Variants in LSAMP observed in about 807,000 individuals in gnomAD.
The protein encoded by LSAMP is limbic system-associated membrane protein.
Under a neutral mutation model 38.6 loss-of-function variants are expected in LSAMP, and 7 were observed. That is an observed-to-expected ratio of 0.18 (90% confidence interval 0.10 to 0.34). The LOEUF (loss-of-function observed/expected upper bound fraction) is 0.34, where lower values mean the gene tolerates loss of function less well. Ranked by LOEUF, LSAMP falls within the 10% of genes least tolerant of loss-of-function variation. LSAMP has a pLI of 1.00. For synonymous variants in LSAMP, 154 were observed against 166.8 expected (o/e 0.92, Z 0.59); for missense variants, 313 against 420.0 (o/e 0.75, Z 2.23).
At position 116,301,779 on chromosome 3, in the gene LSAMP, TATAAAG is replaced by T. The variant is rs540230349; in HGVS notation, c.155+143092_155+143097del. Among the ~76,000 whole-genome samples the T allele has an allele frequency of 2.2e-3, 337 of 152,314 alleles. 1 individual carries two copies. Among genetic ancestry groups the T allele is most frequent in the African/African-American group, 7.6e-3 (315 of 41,566 alleles). ...AGTATAAAATTATGAGTTTAAAACTTATAAAGATAATAGTTTTTTTCTATAGATAGA... is the reference window on the plus strand; with the variant it reads ...AGTATAAAATTATGAGTTTAAAACTTATAATAGTTTTTTTCTATAGATAGA... On this transcript the variant is annotated intron_variant, in intron 1 of 6. Transcript: ENST00000490035.
chr3:116,343,684 A>C (rs1234536962), intron 1 of LSAMP, among the ~76,000 whole-genome samples: 1 of 151,888 alleles, frequency 6.6e-6, no homozygotes, highest in Non-Finnish European at 1.5e-5. Flanking sequence ...GCTAAACATA[A>C]GAACTATTTT....
chr3:115,853,446 C>T (rs1230867167), intron 3 of LSAMP, among the ~76,000 whole-genome samples: 3 of 151,940 alleles, frequency 2.0e-5, no homozygotes, highest in Non-Finnish European at 4.4e-5. Context: ...TAGGGAGGTC[C>T]TGTTTGGAAA....
At chr3:116,358,918 ATAGT>A (rs2048264221) in intron 1 of LSAMP, among the ~76,000 whole-genome samples, 1 of 152,208 alleles carries the variant, frequency 6.6e-6, no homozygotes, top group Admixed American at 6.5e-5. Flanking sequence ...GTACAAAGAA[ATAGT>A]TATTTGCAGT....
intron 1 of LSAMP, among the ~76,000 whole-genome samples, chr3:116,103,729 C>T (rs1576364231): frequency 1.3e-5 from 2 of 151,826 alleles, no homozygotes; most frequent in Non-Finnish European, 2.9e-5. Context: ...CCATGTCACA[C>T]GATGCTTCAC....
At chr3:116,437,648 G>GAGGGAGGAGGAAGGGAGAGA (rs1263576185) in intron 1 of LSAMP, among the ~76,000 whole-genome samples, 14 of 151,652 alleles carry the variant, frequency 9.2e-5, no homozygotes, top group African/African-American at 3.1e-4. Flanking sequence ...GGAAGAATTG[G>GAGGGAGGAGGAAGGGAGAGA]AGGGAGGAGG....
At chr3:115,868,989 A>T (rs1233902902) in intron 3 of LSAMP, among the ~76,000 whole-genome samples, 1 of 152,102 alleles carries the variant, frequency 6.6e-6, no homozygotes, top group Non-Finnish European at 1.5e-5. Flanking sequence ...CCCATATTTT[A>T]TCCTAGTGAC....
intron 3 of LSAMP, among the ~76,000 whole-genome samples, chr3:115,978,738 A>G (rs28413947): frequency 0.13 from 20,058 of 151,990 alleles, 1,502 homozygotes; most frequent in Non-Finnish European, 0.18. Flanking sequence ...AAAATGGGGG[A>G]AAAAATAGGG....
chr3:116,307,647 C>T (rs1212280274), intron 1 of LSAMP, among the ~76,000 whole-genome samples: 1 of 151,828 alleles, frequency 6.6e-6, no homozygotes, highest in Non-Finnish European at 1.5e-5. Context: ...TTGGAGACAA[C>T]TTAATGTCCA....
intron 3 of LSAMP, among the ~76,000 whole-genome samples, chr3:115,956,893 G>C (rs906978818): frequency 5.9e-5 from 9 of 152,208 alleles, no homozygotes; most frequent in Middle Eastern, 3.4e-3. Context: ...CCCCTTACAG[G>C]CTTCTTGAAG....
At chr3:115,950,387 C>G (rs372974031) in intron 3 of LSAMP, among the ~76,000 whole-genome samples, 2 of 152,002 alleles carry the variant, frequency 1.3e-5, no homozygotes, top group African/African-American at 4.8e-5. Context: ...TCAGTAAAGT[C>G]TCAGGATACA....
intron 2 of LSAMP, among the ~76,000 whole-genome samples, chr3:116,041,422 C>T (rs992058036): frequency 6.6e-6 from 1 of 152,060 alleles, no homozygotes; most frequent in Non-Finnish European, 1.5e-5. Context: ...TCATCTCTCC[C>T]CTTTTATAGA....
chr3:116,241,881 A>AC (rs2107638915), intron 1 of LSAMP, among the ~76,000 whole-genome samples: 1 of 152,350 alleles, frequency 6.6e-6, no homozygotes, highest in African/African-American at 2.4e-5. Context: ...AGCCATTGGA[A>AC]TTGGGGGTGT....
chr3:115,843,603 A>G (rs968079513), intron 4 of LSAMP, among the ~76,000 whole-genome samples: 5 of 152,210 alleles, frequency 3.3e-5, no homozygotes, highest in African/African-American at 1.2e-4. Flanking sequence ...AAGCTCATTT[A>G]GGAAAATTAG....
chr3:115,829,061 T>G (rs1934522068), intron 6 of LSAMP, among the ~76,000 whole-genome samples: 1 of 152,174 alleles, frequency 6.6e-6, no homozygotes, highest in African/African-American at 2.4e-5. Context: ...AATGTAAATT[T>G]TGAGAGAAAT....
chr3:116,228,113 T>C (rs1040187063), intron 1 of LSAMP, among the ~76,000 whole-genome samples: 2 of 152,084 alleles, frequency 1.3e-5, no homozygotes, highest in Non-Finnish European at 2.9e-5. Flanking sequence ...TTGATTTCTT[T>C]AAACCTTTAA....
At chr3:116,141,156 G>T (rs958078352) in intron 1 of LSAMP, among the ~76,000 whole-genome samples, 3 of 151,842 alleles carry the variant, frequency 2.0e-5, no homozygotes, top group African/African-American at 7.3e-5. Flanking sequence ...TTATTTATAG[G>T]TTACTTGAAA....
At chr3:115,823,801 A>C (rs374041509) in intron 6 of LSAMP, among the ~76,000 whole-genome samples, 1 of 152,214 alleles carries the variant, frequency 6.6e-6, no homozygotes, top group Non-Finnish European at 1.5e-5. Flanking sequence ...AGATGGGTGA[A>C]TCCTAATTTC....
At chr3:116,021,939 T>A (rs1447064434) in intron 2 of LSAMP, among the ~76,000 whole-genome samples, 1 of 152,104 alleles carries the variant, frequency 6.6e-6, no homozygotes, top group Non-Finnish European at 1.5e-5. Context: ...TCTAGAATAA[T>A]TGACTACAGG....
chr3:116,382,777 A>G (rs1042344661), intron 1 of LSAMP, among the ~76,000 whole-genome samples: 9 of 152,142 alleles, frequency 5.9e-5, no homozygotes, highest in Admixed American at 1.3e-4. Flanking sequence ...GTTACATGTT[A>G]CAGCTTTTGT....
Sources: gnomAD v4.1 joint callset for allele counts (sites outside exome capture counted in the v4.1 genomes callset) on GRCh38, gnomAD v4.1.1 for gene constraint, MANE v1.5 for transcripts, NCBI Gene and HGNC (gene_info 2026-07-23, HGNC 2026-07-21) for gene names.